The following STOX2 variants were observed in gnomAD, a reference collection of about 807,000 sequenced individuals.
STOX2 encodes the protein storkhead-box protein 2.
Under a neutral mutation model 60.9 loss-of-function variants are expected in STOX2, and 28 were observed. The ratio of observed to expected loss-of-function variants is 0.46; its 90% CI spans 0.34 to 0.63. The LOEUF is 0.63. Ranked by LOEUF, STOX2 falls within the 30% of genes least tolerant of loss-of-function variation. STOX2 has a pLI of 0.01. For missense variants in STOX2, 1,024 were observed against 1,187.7 expected (o/e 0.86, Z 2.03); for synonymous variants, 472 against 463.9 (o/e 1.02, Z -0.22).
chr4:183,978,223 T>G (rs1560915737), intron 1 of STOX2, among the ~76,000 whole-genome samples: 1 of 152,258 alleles, frequency 6.6e-6, no homozygotes, highest in Non-Finnish European at 1.5e-5. Context: ...AGGATTTTAA[T>G]AGTTTCAGGT....
In STOX2 at chr4:183,920,379, A is replaced by T. The variant is rs190959866; in HGVS notation, c.166+13423A>T. ...CGCCTTGGCCTCCCGAAGTGCTGGG[A>T]TTACAGGTGTGAGTCACCAGACCCA... On this transcript the variant is annotated intron_variant, in intron 1 of 3. Coordinates refer to ENST00000308497, the MANE Select transcript of STOX2 (RefSeq NM_020225.3). Among the ~76,000 whole-genome samples, 13 of 152,300 alleles carry T rather than the reference A, an allele frequency of 8.5e-5. No individual in the cohort carries two copies. In the East Asian group the frequency reaches 2.5e-3, roughly 29 times the overall value.
At chr4:183,815,052 T>A (rs1739120362) in intron 1 of STOX2, among the ~76,000 whole-genome samples, 1 of 152,108 alleles carries the variant, frequency 6.6e-6, no homozygotes, top group East Asian at 1.9e-4. Flanking sequence ...CACGCTGGAG[T>A]GCAGCAGTGT....
intron 1 of STOX2, chr4:183,798,187 C>T (rs1001716176): frequency 1.1e-6 from 1 of 916,270 alleles, no homozygotes; most frequent in East Asian, 3.8e-5. Context: ...GCCCGCGTCC[C>T]TGCCGGGGGA....
chr4:183,820,200 TA>T (rs750140913), intron 1 of STOX2, among the ~76,000 whole-genome samples: 8 of 152,184 alleles, frequency 5.3e-5, no homozygotes, highest in Non-Finnish European at 1.2e-4. Context: ...GCTGGGATTG[TA>T]AGCGTGAGCC....
chr4:183,846,041 TTTC>T (rs1353755438), intron 1 of STOX2, among the ~76,000 whole-genome samples: 1 of 152,248 alleles, frequency 6.6e-6, no homozygotes, highest in Non-Finnish European at 1.5e-5. Flanking sequence ...AATGCCTTAA[TTTC>T]TTCTTCAATT....
chr4:183,833,944 T>C (rs1242514782), intron 1 of STOX2, among the ~76,000 whole-genome samples: 1 of 134,370 alleles, frequency 7.4e-6, no homozygotes, highest in Non-Finnish European at 1.5e-5. Context: ...ATCCCGCCAC[T>C]GCACTCCAGC....
At chr4:183,986,387 C>T (rs1221167217) in intron 1 of STOX2, among the ~76,000 whole-genome samples, 5 of 152,082 alleles carry the variant, frequency 3.3e-5, no homozygotes, top group African/African-American at 7.2e-5. Flanking sequence ...GACAGTGCCA[C>T]GGGGAGGACT....
At chr4:183,975,247 G>T (rs1189270186) in intron 1 of STOX2, among the ~76,000 whole-genome samples, 1 of 151,882 alleles carries the variant, frequency 6.6e-6, no homozygotes, top group Non-Finnish European at 1.5e-5. Context: ...AAAAAGAACT[G>T]CAATGAGCAA....
chr4:183,986,493 G>A (rs998915473), intron 1 of STOX2, among the ~76,000 whole-genome samples: 1 of 152,228 alleles, frequency 6.6e-6, no homozygotes, highest in African/African-American at 2.4e-5. Context: ...AAAGCGTTAG[G>A]TGGTTGAGGG....
At chr4:183,919,817 T>C (rs984310674) in intron 1 of STOX2, among the ~76,000 whole-genome samples, 9 of 152,174 alleles carry the variant, frequency 5.9e-5, no homozygotes, top group Non-Finnish European at 1.2e-4. Flanking sequence ...TTACCCAGGC[T>C]GGTTTCAAAC....
intron 1 of STOX2, among the ~76,000 whole-genome samples, chr4:183,822,184 A>T (rs1191643874): frequency 6.6e-6 from 1 of 152,254 alleles, no homozygotes; most frequent in East Asian, 1.9e-4. Context: ...GAGAGGACAG[A>T]TCCCATCCAT....
intron 2 of STOX2, among the ~76,000 whole-genome samples, chr4:184,005,330 C>T (rs113017624): frequency 0.017 from 2,611 of 151,706 alleles, 52 homozygotes; most frequent in Middle Eastern, 0.048. Flanking sequence ...GCGTGTGGCA[C>T]GCACCTGTAA....
At chr4:183,932,548 G>A (rs2111117470) in intron 1 of STOX2, among the ~76,000 whole-genome samples, 1 of 151,996 alleles carries the variant, frequency 6.6e-6, no homozygotes, top group South Asian at 2.1e-4. Context: ...CAGTAGAAAT[G>A]TTTGGCAGGC....
At chr4:183,861,294 C>T (rs1392848233) in intron 1 of STOX2, among the ~76,000 whole-genome samples, 1 of 82,296 alleles carries the variant, frequency 1.2e-5, no homozygotes, top group African/African-American at 3.8e-5. Flanking sequence ...TGGGAGTGGA[C>T]TGTCCCGTTA....
intron 1 of STOX2, among the ~76,000 whole-genome samples, chr4:183,851,936 G>GGAAAGGATGAGA (rs1740152332): frequency 1.8e-5 from 1 of 55,670 alleles, no homozygotes; most frequent in Non-Finnish European, 3.4e-5. Context: ...AAAGGATGAG[G>GGAAAGGATGAGA]GAAAGGATGA....
intron 1 of STOX2, among the ~76,000 whole-genome samples, chr4:183,997,555 T>C (rs1343642599): frequency 6.6e-6 from 1 of 151,748 alleles, no homozygotes; most frequent in African/African-American, 2.4e-5. Context: ...GAGAGGGGAG[T>C]GTTGGAGGCA....
chr4:183,964,653 G>C (rs1325677215), intron 1 of STOX2, among the ~76,000 whole-genome samples: 1 of 152,120 alleles, frequency 6.6e-6, no homozygotes, highest in Non-Finnish European at 1.5e-5. Context: ...TGCAGTCTCG[G>C]CTCACTGCAA....
intron 1 of STOX2, among the ~76,000 whole-genome samples, chr4:183,940,713 A>T (rs1742731622): frequency 6.6e-6 from 1 of 152,252 alleles, no homozygotes; most frequent in African/African-American, 2.4e-5. Flanking sequence ...CCCCCTAATC[A>T]GCAGGATTTG....
At chr4:183,942,786 T>C (rs1456816263) in intron 1 of STOX2, among the ~76,000 whole-genome samples, 10 of 152,164 alleles carry the variant, frequency 6.6e-5, no homozygotes, top group Admixed American at 1.3e-4. Flanking sequence ...ATTTTCTATA[T>C]CATGTGCTTT....
Sources: gnomAD v4.1 joint callset for allele counts (sites outside exome capture counted in the v4.1 genomes callset) on GRCh38, gnomAD v4.1.1 for gene constraint, MANE v1.5 for transcripts, NCBI Gene and HGNC (gene_info 2026-07-23, HGNC 2026-07-21) for gene names.